The following PCDHGA10 variants were observed in gnomAD, a reference collection of about 807,000 sequenced individuals.
The protein encoded by PCDHGA10 is protocadherin gamma subfamily A, 10.
A neutral mutation model predicts 59.5 loss-of-function variants in PCDHGA10; 42 were observed. The ratio of observed to expected loss-of-function variants is 0.71; its 90% CI spans 0.55 to 0.91. PCDHGA10 has a LOEUF of 0.91. PCDHGA10 is among the 40% of genes least tolerant of loss of function. The pLI, the probability that PCDHGA10 is intolerant of heterozygous loss-of-function variation, is 0.00. For missense variants in PCDHGA10, 1,111 were observed against 1,198.2 expected (o/e 0.93, Z 1.07); for synonymous variants, 511 against 517.2 (o/e 0.99, Z 0.16).
At chr5:141,440,593 T>C (rs1456640262) in intron 1 of PCDHGA10, 1 of 152,202 alleles carries the variant, frequency 6.6e-6, no homozygotes, top group African/African-American at 2.4e-5. Context: ...TGGAACAAGA[T>C]TTGCAACAGA....
chr5:141,490,181 G>T lies in PCDHGA10; in HGVS notation c.2437-4626G>T, dbSNP rs755899660. ...GGTCCCATAGACTTTGAGGAGTCAC[G>T]TTTCTATGAAATTCATGCAAGAGCC... is the stretch of plus-strand genomic sequence containing the variant. On this transcript the variant is annotated intron_variant, in intron 1 of 3. Coordinates refer to ENST00000398610, the MANE Select transcript of PCDHGA10 (RefSeq NM_018913.3). The surrounding 1 kb of genome is among the most constrained non-coding windows in gnomAD (Gnocchi z 5.4). The T allele has an allele frequency of 6.2e-7, 1 of 1,614,200 alleles. No individual in the cohort carries two copies. The highest frequency in any genetic ancestry group is 8.5e-7 in the Non-Finnish European group (1 of 1,180,030).
rs1446432461 is a variant in PCDHGA10, at chr5:141,511,005, C to G, written c.2643C>G (p.Ala881=). 6.2e-7 allele frequency: 1 copy of G among 1,614,176 alleles called. No individual in the cohort carries two copies. Among genetic ancestry groups the G allele is most frequent in the Middle Eastern group, 1.6e-4 (1 of 6,062 alleles). ...GGGAGTMGLS[A]RYGPQFTLQH... is the part of the protein sequence containing the mutation. ...GTGCCGGCACCATGGGATTGAGCGC[C>G]CGCTACGGACCCCAGTTCACCCTGC... Residue 881 remains alanine, a synonymous_variant, in exon 4 of 4, where the codon GCC becomes GCG. Coordinates refer to ENST00000398610, the MANE Select transcript of PCDHGA10 (RefSeq NM_018913.3).
chr5:141,430,889 A>G, intron 1 of PCDHGA10: 1 of 1,605,270 alleles, frequency 6.2e-7, no homozygotes, highest in African/African-American at 1.3e-5. Flanking sequence ...GAAAGGCTCT[A>G]GGGTGGGCGA....
chr5:141,502,884 A>T (rs2099816871), intron 2 of PCDHGA10, among the ~76,000 whole-genome samples: 1 of 36,804 alleles, frequency 2.7e-5, no homozygotes, highest in African/African-American at 3.5e-4. Context: ...TTTTTTTGAC[A>T]GGGAGTCTAG....
At chr5:141,468,324 C>T (rs1301315098) in intron 1 of PCDHGA10, 1 of 127,722 alleles carries the variant, frequency 7.8e-6, no homozygotes, top group Non-Finnish European at 1.6e-5. Context: ...ACGGTAAACT[C>T]CATCTCAAAA....
chr5:141,452,844 C>T (rs1239022315), intron 1 of PCDHGA10, among the ~76,000 whole-genome samples: 1 of 152,204 alleles, frequency 6.6e-6, no homozygotes, highest in Non-Finnish European at 1.5e-5. Context: ...CCAGCCCACA[C>T]TCTGGGGAGA....
rs1301787934 is a variant in PCDHGA10 at position 141,476,164 on chromosome 5, A to G, written c.2437-18643A>G. Reference sequence around the variant, plus strand: ...GCGGACTGGTAAGCACCGGGAGGGTAGTGGGAGTTTTGCTTCTGCTTGGTG... The same window carrying G: ...GCGGACTGGTAAGCACCGGGAGGGTGGTGGGAGTTTTGCTTCTGCTTGGTG... On this transcript the variant is annotated intron_variant, in intron 1 of 3. Transcript: ENST00000398610. This position sits in a 1 kb window ranked among gnomAD's most constrained non-coding sequence, Gnocchi z 7.6. 6.2e-7 allele frequency: 1 copy of G among 1,613,116 alleles called. No individual in the cohort carries two copies.
intron 1 of PCDHGA10, chr5:141,428,219 T>C (rs749413221): frequency 8.4e-7 from 1 of 1,195,778 alleles, no homozygotes. Context: ...CACCTAGTCT[T>C]CGCAGACAGC....
intron 1 of PCDHGA10, among the ~76,000 whole-genome samples, chr5:141,435,953 G>A (rs2097789156): frequency 6.6e-6 from 1 of 151,984 alleles, no homozygotes; most frequent in Non-Finnish European, 1.5e-5. Context: ...CAAAAAAGGG[G>A]GCAAAATATA....
In PCDHGA10 at chr5:141,490,794, C is replaced by G. The variant is rs763933771; in HGVS notation, c.2437-4013C>G. The G allele has an allele frequency of 5.0e-6, 8 of 1,613,976 alleles. No individual in the cohort carries two copies. In the South Asian group the frequency reaches 7.7e-5, roughly 16 times the overall value. ...ACCCAGAGGATGGACGGATCTTTGCCCAGCGTACCTTTGACTATGAATTGC... is the reference window on the plus strand; with the variant it reads ...ACCCAGAGGATGGACGGATCTTTGCGCAGCGTACCTTTGACTATGAATTGC... On this transcript the variant is annotated intron_variant, in intron 1 of 3. Transcript: ENST00000398610. The surrounding 1 kb of genome is among the most constrained non-coding windows in gnomAD (Gnocchi z 5.4).
In PCDHGA10 at chr5:141,511,197, C is replaced by A; in HGVS notation, c.*24C>A. 1 of 1,613,140 alleles carries A rather than the reference C, an allele frequency of 6.2e-7. No individual in the cohort carries two copies. Among genetic ancestry groups the A allele is most frequent in the Non-Finnish European group, 8.5e-7 (1 of 1,179,524 alleles). Reference sequence around the variant, plus strand: ...AACATGGAGGCCAGGCCAAGAGCCACAGGGCGGCCTCTCCCCAACCAGCCC... The same window carrying A: ...AACATGGAGGCCAGGCCAAGAGCCAAAGGGCGGCCTCTCCCCAACCAGCCC... On this transcript the variant is annotated 3_prime_UTR_variant, in exon 4 of 4. Transcript: ENST00000398610.
chr5:141,419,584 C>G, intron 1 of PCDHGA10: 1 of 1,611,800 alleles, frequency 6.2e-7, no homozygotes. Context: ...CCGCGCTCTT[C>G]GACACAGTGC....
intron 1 of PCDHGA10, among the ~76,000 whole-genome samples, chr5:141,462,117 C>G (rs965365318): frequency 6.6e-6 from 1 of 152,170 alleles, no homozygotes; most frequent in African/African-American, 2.4e-5. Flanking sequence ...GCCACTGCAC[C>G]CAGTCCAATT....
chr5:141,500,871 T>C (rs2154592764), intron 2 of PCDHGA10, among the ~76,000 whole-genome samples: 1 of 135,840 alleles, frequency 7.4e-6, no homozygotes, highest in African/African-American at 3.0e-5. Context: ...TACACATTCA[T>C]TTACAATTTT....
intron 1 of PCDHGA10, among the ~76,000 whole-genome samples, chr5:141,467,017 C>T (rs1036255706): frequency 4.0e-5 from 6 of 151,156 alleles, no homozygotes; most frequent in African/African-American, 1.5e-4. Context: ...AATTTTTTTC[C>T]CTTTGTTTTT....
chr5:141,466,401 T>A (rs2099122186), intron 1 of PCDHGA10, among the ~76,000 whole-genome samples: 1 of 152,210 alleles, frequency 6.6e-6, no homozygotes, highest in Non-Finnish European at 1.5e-5. Flanking sequence ...TTTGCTCAAC[T>A]TTAATTTTTC....
chr5:141,434,889 A>C (rs1213631251), intron 1 of PCDHGA10, among the ~76,000 whole-genome samples: 2 of 151,512 alleles, frequency 1.3e-5, no homozygotes, highest in African/African-American at 4.8e-5. Context: ...ACAACAATCC[A>C]GTCCCCTTCC....
intron 1 of PCDHGA10, among the ~76,000 whole-genome samples, chr5:141,437,421 T>G (rs971034611): frequency 1.2e-4 from 19 of 152,238 alleles, no homozygotes; most frequent in African/African-American, 4.6e-4. Flanking sequence ...TTATGCTTTT[T>G]GAAGCAGCAA....
At chr5:141,453,185 C>T (rs2098757478) in intron 1 of PCDHGA10, among the ~76,000 whole-genome samples, 1 of 152,146 alleles carries the variant, frequency 6.6e-6, no homozygotes, top group South Asian at 2.1e-4. Flanking sequence ...ACAATCACAG[C>T]TCACTGCAGC....
Sources: allele counts gnomAD v4.1 joint callset (sites outside exome capture counted in the v4.1 genomes callset), GRCh38; gene constraint gnomAD v4.1.1; non-coding constraint Gnocchi (gnomAD v3.1); transcripts MANE v1.5; gene names NCBI Gene and HGNC (gene_info 2026-07-23, HGNC 2026-07-21).